The following CNIH3 variants were observed in gnomAD, a reference collection of about 807,000 sequenced individuals.
CNIH3 encodes protein cornichon homolog 3.
Under a neutral mutation model 24.1 loss-of-function variants are expected in CNIH3, and 14 were observed. The ratio of observed to expected loss-of-function variants is 0.58; its 90% CI spans 0.38 to 0.91. The LOEUF is 0.91. Ranked by LOEUF, CNIH3 falls within the 40% of genes least tolerant of loss-of-function variation. The probability of loss-of-function intolerance (pLI) is 0.00; values close to 1 mark genes in which losing one functional copy is unlikely to be tolerated. For missense variants in CNIH3, 178 were observed against 196.8 expected (o/e 0.90, Z 0.57); for synonymous variants, 68 against 73.8 (o/e 0.92, Z 0.40).
At chr1:224,708,207 C>T (rs1687928388) in intron 3 of CNIH3, among the ~76,000 whole-genome samples, 1 of 152,070 alleles carries the variant, frequency 6.6e-6, no homozygotes, top group Non-Finnish European at 1.5e-5. Flanking sequence ...GTCCTCACCT[C>T]TCCAATCCTC....
chr1:224,542,301 G>A (rs993683936), downstream of CNIH3, among the ~76,000 whole-genome samples: 6 of 152,200 alleles, frequency 3.9e-5, no homozygotes. Flanking sequence ...TTTGGGCAAT[G>A]AAGCCCTAGC....
intron 2 of CNIH3, among the ~76,000 whole-genome samples, chr1:224,544,521 C>CA (rs1430154204): frequency 6.6e-6 from 1 of 152,104 alleles, no homozygotes; most frequent in Non-Finnish European, 1.5e-5. Flanking sequence ...ATAGGGAGTT[C>CA]AATTCAGGAA....
At chr1:224,513,524 C>G (rs1678255456), upstream of CNIH3, among the ~76,000 whole-genome samples, 1 of 152,090 alleles carries the variant, frequency 6.6e-6, no homozygotes, top group South Asian at 2.1e-4. Context: ...AGCCCCACTT[C>G]CCAGCCTCAG....
chr1:224,621,446 ACCCTGCCTTGG>A (rs1287680128), intron 1 of CNIH3, among the ~76,000 whole-genome samples: 1 of 152,118 alleles, frequency 6.6e-6, no homozygotes, highest in African/African-American at 2.4e-5. Flanking sequence ...TTTTTTTATG[ACCCTGCCTTGG>A]CCTACTCAGA....
intron 1 of CNIH3, among the ~76,000 whole-genome samples, chr1:224,630,388 C>T (rs1683759107): frequency 6.6e-6 from 1 of 152,070 alleles, no homozygotes; most frequent in African/African-American, 2.4e-5. Flanking sequence ...TGTTAGCTCA[C>T]TGGGAGACAA....
intron 1 of CNIH3, among the ~76,000 whole-genome samples, chr1:224,620,189 G>GT (rs1449131061): frequency 1.3e-5 from 2 of 152,256 alleles, no homozygotes; most frequent in East Asian, 1.9e-4. Context: ...AGAAAACTAG[G>GT]TTTTTTCTGT....
chr1:224,563,623 A>G (rs1156881878), intron 3 of CNIH3, among the ~76,000 whole-genome samples: 2 of 152,164 alleles, frequency 1.3e-5, no homozygotes, highest in African/African-American at 4.8e-5. Context: ...CCATTAGCCT[A>G]GGCTCTGTCA....
intron 1 of CNIH3, among the ~76,000 whole-genome samples, chr1:224,659,434 A>C (rs1003376776): frequency 6.6e-6 from 1 of 152,238 alleles, no homozygotes; most frequent in Non-Finnish European, 1.5e-5. Context: ...TCTGCTTCTT[A>C]GGCCAGTTAC....
intron 1 of CNIH3, among the ~76,000 whole-genome samples, chr1:224,463,822 G>A (rs1290008582): frequency 1.8e-4 from 18 of 100,558 alleles, no homozygotes; most frequent in Middle Eastern, 0.013. Flanking sequence ...AGGGAGTCTC[G>A]CTCTGTCGCC....
chr1:224,610,694 T>C (rs1682651406), intron 3 of CNIH3, among the ~76,000 whole-genome samples: 1 of 152,208 alleles, frequency 6.6e-6, no homozygotes, highest in African/African-American at 2.4e-5. Context: ...GGTATTGCTA[T>C]ATATTAGAAG....
chr1:224,706,310 C>T (rs1006993568), intron 3 of CNIH3, among the ~76,000 whole-genome samples: 2 of 152,152 alleles, frequency 1.3e-5, no homozygotes, highest in Non-Finnish European at 2.9e-5. Context: ...TTGATTCCCA[C>T]TTTACTTACT....
intron 1 of CNIH3, among the ~76,000 whole-genome samples, chr1:224,471,162 C>T (rs537579365): frequency 6.6e-6 from 1 of 151,914 alleles, no homozygotes; most frequent in Admixed American, 6.5e-5. Context: ...CCTCAGCCTC[C>T]CGGGTAGCTG....
intron 1 of CNIH3, among the ~76,000 whole-genome samples, chr1:224,459,434 T>C (rs1675813186): frequency 1.3e-5 from 2 of 152,170 alleles, no homozygotes; most frequent in Admixed American, 6.5e-5. Context: ...TCCCAAGTAT[T>C]TTCCTGTTCT....
At chr1:224,442,244 C>G (rs1245129274) in intron 1 of CNIH3, among the ~76,000 whole-genome samples, 1 of 151,968 alleles carries the variant, frequency 6.6e-6, no homozygotes, top group East Asian at 1.9e-4. Flanking sequence ...CTCCTGGGCT[C>G]AAATAATTCT....
intron 1 of CNIH3, among the ~76,000 whole-genome samples, chr1:224,507,651 C>G (rs755728967): frequency 2.0e-5 from 3 of 152,168 alleles, no homozygotes; most frequent in African/African-American, 7.2e-5. Context: ...CATCTCTGCT[C>G]TGTTATCAAG....
intron 4 of CNIH3, chr1:224,575,206 G>A (rs1477064456): frequency 5.3e-6 from 7 of 1,317,678 alleles, no homozygotes; most frequent in Non-Finnish European, 6.6e-6. Flanking sequence ...CCCATGCAGA[G>A]GAACTTGGTG....
At chr1:224,461,071 C>T (rs2102982444) in intron 1 of CNIH3, among the ~76,000 whole-genome samples, 1 of 151,134 alleles carries the variant, frequency 6.6e-6, no homozygotes, top group East Asian at 1.9e-4. Context: ...GGGGCGAGCT[C>T]AGCTCACTGC....
At position 224,488,602 on chromosome 1, in the gene CNIH3, A is replaced by G. The variant is rs907001542; in HGVS notation, n.204-27139A>G. 5.3e-5 allele frequency among the ~76,000 whole-genome samples: 8 copies of G among 152,118 alleles called. 1 individual carries two copies. The South Asian group carries it at 1.0e-3, about 20-fold the overall frequency. ...CAGCCTCCTGAATAGGACTGCAAGA[A>G]CTACAGACATGTGCCACCATGCCCG... On this transcript the variant is annotated intron_variant and non_coding_transcript_variant, in intron 1 of 5. Coordinates refer to the CNIH3 transcript ENST00000471578.
At chr1:224,608,625 C>T (rs1182049191) in intron 3 of CNIH3, among the ~76,000 whole-genome samples, 2 of 152,232 alleles carry the variant, frequency 1.3e-5, no homozygotes, top group East Asian at 3.9e-4. Context: ...GATCTTTAAC[C>T]AGGCCCAGGG....
Sources: allele counts gnomAD v4.1 joint callset (sites outside exome capture counted in the v4.1 genomes callset), GRCh38; gene constraint gnomAD v4.1.1; transcripts MANE v1.5; gene names NCBI Gene and HGNC (gene_info 2026-07-23, HGNC 2026-07-21).